Variants in PACRG observed in about 807,000 individuals in gnomAD.
PACRG encodes the protein parkin coregulated gene protein.
A neutral mutation model predicts 29.7 loss-of-function variants in PACRG; 29 were observed. The observed-to-expected ratio is 0.98, with a 90% CI of 0.73 to 1.33. PACRG has a LOEUF of 1.33. Ranked by LOEUF, PACRG falls within the 40% of genes most tolerant of loss-of-function variation. The probability of loss-of-function intolerance (pLI) is 0.00; values close to 1 mark genes in which losing one functional copy is unlikely to be tolerated. For synonymous variants in PACRG, 116 were observed against 118.7 expected (o/e 0.98, Z 0.15); for missense variants, 279 against 316.2 (o/e 0.88, Z 0.89).
At position 162,735,015 on chromosome 6, in the gene PACRG, T is replaced by G. The variant is rs60898921; in HGVS notation, c.156+6624T>G. 5.2e-3 allele frequency among the ~76,000 whole-genome samples: 799 copies of G among 152,362 alleles called. 20 individuals are homozygous for G. The East Asian group carries it at 0.062, about 12-fold the overall frequency. ...TGTAATTGTTTTGTGTCCAGTTTCT[T>G]TCATCAACATTCTGTTTGTGAGATT... On this transcript the variant is annotated intron_variant, in intron 1 of 4. Transcript: ENST00000366888.
intron 3 of PACRG, among the ~76,000 whole-genome samples, chr6:163,072,016 A>G (rs1033546135): frequency 1.4e-5 from 2 of 146,236 alleles, no homozygotes; most frequent in African/African-American, 5.1e-5. Flanking sequence ...AGAAGAACTA[A>G]TACCAATCCT....
intron 2 of PACRG, among the ~76,000 whole-genome samples, chr6:163,049,946 G>A (rs1363837435): frequency 6.6e-6 from 1 of 151,892 alleles, no homozygotes; most frequent in Non-Finnish European, 1.5e-5. Context: ...TATCCTACAA[G>A]ATACTTTTTT....
At chr6:162,957,444 A>G in intron 2 of PACRG, 1 of 514,272 alleles carries the variant, frequency 1.9e-6, no homozygotes, top group Non-Finnish European at 3.7e-6. Context: ...GGCACACACC[A>G]CATGCAGAGT....
chr6:162,756,864 A>T (rs1781967159), intron 1 of PACRG, among the ~76,000 whole-genome samples: 1 of 152,152 alleles, frequency 6.6e-6, no homozygotes, highest in African/African-American at 2.4e-5. Flanking sequence ...TTTTCCTTAT[A>T]AGAGGCCACT....
intron 2 of PACRG, among the ~76,000 whole-genome samples, chr6:163,028,941 C>T (rs762847599): frequency 7.2e-5 from 11 of 152,236 alleles, no homozygotes; most frequent in Non-Finnish European, 1.2e-4. Context: ...TGCCGTCCTA[C>T]ACAGCAAAAG....
chr6:163,240,374 T>C (rs189205840), intron 4 of PACRG, among the ~76,000 whole-genome samples: 63 of 152,138 alleles, frequency 4.1e-4, no homozygotes, highest in African/African-American at 1.4e-3. Flanking sequence ...TTAGGGAAAG[T>C]GTGGCTGTTT....
chr6:163,230,783 G>C (rs1782009548), intron 4 of PACRG, among the ~76,000 whole-genome samples: 1 of 152,126 alleles, frequency 6.6e-6, no homozygotes, highest in East Asian at 1.9e-4. Context: ...TGCAGAGTTA[G>C]GGAGGGAAAA....
chr6:163,058,672 G>C (rs909381686), intron 2 of PACRG, among the ~76,000 whole-genome samples: 1 of 152,124 alleles, frequency 6.6e-6, no homozygotes, highest in Non-Finnish European at 1.5e-5. Context: ...CAAGGCGAGC[G>C]GATCATGAGG....
rs559807091 is a variant in PACRG, at chr6:163,265,375, G to A, written c.614-49452G>A. Among the ~76,000 whole-genome samples, 4 of 152,226 alleles carry A rather than the reference G, an allele frequency of 2.6e-5. No individual in the cohort carries two copies. The East Asian group carries it at 5.8e-4, about 22-fold the overall frequency. On this transcript the variant is annotated intron_variant, in intron 4 of 4. Coordinates refer to ENST00000366888, the MANE Select transcript of PACRG (RefSeq NM_001080379.2). ...CCTCCAGTGCCCGTCAGGAATGCCC[G>A]GGCTCCCTTCTTCTCCAGGGAAGGG...
At chr6:162,822,769 T>G in intron 2 of PACRG, among the ~76,000 whole-genome samples, 1 of 152,216 alleles carries the variant, frequency 6.6e-6, no homozygotes, top group Non-Finnish European at 1.5e-5. Flanking sequence ...CACAATTTAA[T>G]TGAAATTAGC....
At chr6:163,236,999 A>G (rs1005997402) in intron 4 of PACRG, among the ~76,000 whole-genome samples, 3 of 152,168 alleles carry the variant, frequency 2.0e-5, no homozygotes, top group Non-Finnish European at 2.9e-5. Flanking sequence ...GCAAGGGGAA[A>G]GTTCCGCCCC....
intron 2 of PACRG, among the ~76,000 whole-genome samples, chr6:162,936,518 A>G (rs536109204): frequency 2.0e-5 from 3 of 152,304 alleles, no homozygotes; most frequent in African/African-American, 7.2e-5. Flanking sequence ...CTAAAAATAT[A>G]CTCAGAATTG....
At chr6:162,731,184 C>G (rs1172937483) in intron 1 of PACRG, among the ~76,000 whole-genome samples, 1 of 152,004 alleles carries the variant, frequency 6.6e-6, no homozygotes, top group Non-Finnish European at 1.5e-5. Context: ...CTGAAGTGGT[C>G]CAAAATACAA....
chr6:163,028,405 A>G (rs896201861), intron 2 of PACRG, among the ~76,000 whole-genome samples: 6 of 152,096 alleles, frequency 3.9e-5, no homozygotes, highest in African/African-American at 1.4e-4. Flanking sequence ...TTGCACCTCC[A>G]TGGATGGGTA....
At chr6:162,846,000 G>GGA (rs1264376494) in intron 2 of PACRG, among the ~76,000 whole-genome samples, 1 of 152,160 alleles carries the variant, frequency 6.6e-6, no homozygotes, top group Non-Finnish European at 1.5e-5. Context: ...AGGGTAAGGC[G>GGA]GAGAGGAGGA....
At chr6:163,134,483 T>C (rs977224126) in intron 4 of PACRG, among the ~76,000 whole-genome samples, 8 of 152,166 alleles carry the variant, frequency 5.3e-5, no homozygotes, top group Admixed American at 1.3e-4. Flanking sequence ...TGTTCTGTAC[T>C]ATACTAAAGT....
intron 4 of PACRG, among the ~76,000 whole-genome samples, chr6:163,105,596 T>C (rs529843793): frequency 6.6e-6 from 1 of 152,304 alleles, no homozygotes; most frequent in Non-Finnish European, 1.5e-5. Context: ...TATAATAAGC[T>C]ATGTTCAGTG....
At chr6:163,303,117 G>C (rs35893909) in intron 4 of PACRG, among the ~76,000 whole-genome samples, 33,315 of 152,106 alleles carry the variant, frequency 0.22, 3,787 homozygotes, top group African/African-American at 0.24. Context: ...GATGACTTAA[G>C]TCGAGACGTT....
chr6:163,150,993 A>T (rs1778062666), intron 4 of PACRG, among the ~76,000 whole-genome samples: 1 of 152,198 alleles, frequency 6.6e-6, no homozygotes, highest in African/African-American at 2.4e-5. Flanking sequence ...CTTACTTAAG[A>T]TTGAAATATA....
Sources: gnomAD v4.1 joint callset for allele counts (sites outside exome capture counted in the v4.1 genomes callset) on GRCh38, gnomAD v4.1.1 for gene constraint, MANE v1.5 for transcripts, NCBI Gene and HGNC (gene_info 2026-07-23, HGNC 2026-07-21) for gene names.